The following SEMA4F variants were observed in gnomAD, a reference collection of about 807,000 sequenced individuals.
The protein encoded by SEMA4F is ssemaphorin 4F, also known as semaphorin-4F.
Under a neutral mutation model 78.4 loss-of-function variants are expected in SEMA4F, and 51 were observed. That is an observed-to-expected ratio of 0.65 (90% confidence interval 0.52 to 0.82). SEMA4F has a LOEUF of 0.82. Ranked by LOEUF, SEMA4F falls within the 40% of genes least tolerant of loss-of-function variation. SEMA4F has a pLI of 0.00. For synonymous variants in SEMA4F, 418 were observed against 408.7 expected (o/e 1.02, Z -0.27); for missense variants, 938 against 1,014.4 (o/e 0.92, Z 1.02).
chr2:74,673,096 AGCAAAT>A (rs1395337320), intron 5 of SEMA4F, among the ~76,000 whole-genome samples: 1 of 152,214 alleles, frequency 6.6e-6, no homozygotes, highest in Non-Finnish European at 1.5e-5. Flanking sequence ...CCTGTTACAA[AGCAAAT>A]GCCCCTTTTG....
intron 1 of SEMA4F, among the ~76,000 whole-genome samples, chr2:74,656,033 G>T (rs1299805085): frequency 6.6e-6 from 1 of 151,346 alleles, no homozygotes; most frequent in Admixed American, 6.6e-5. Flanking sequence ...TTTTGAAGCG[G>T]AGTCTTGCTC....
At chr2:74,691,547 A>G in the SEMA4F span, among the ~76,000 whole-genome samples, 1 of 152,220 alleles carries the variant, frequency 6.6e-6, no homozygotes, top group African/African-American at 2.4e-5. Context: ...GAGGTCTCGT[A>G]CTTTTCCAAA....
At chr2:74,699,600 G>T in the SEMA4F span, among the ~76,000 whole-genome samples, 1 of 152,192 alleles carries the variant, frequency 6.6e-6, no homozygotes, top group Admixed American at 6.5e-5. Context: ...GGTAGTTGAG[G>T]TCACCTATGG....
chr2:74,654,448 G>C lies in SEMA4F; in HGVS notation c.72G>C (p.Leu24=), dbSNP rs1452314532. Residue 24 remains leucine (L), a synonymous_variant, in exon 1 of 14, where the codon CTG becomes CTC. Transcript: ENST00000357877. The stretch of plus-strand genomic sequence containing the variant: ...CAGCCTCGCCCTTCCCGCTACTGCT[G>C]CTGGCGGTGCTGAGCGGCCCGGTAT... The part of the protein sequence containing the change: ...QPTASPFPLL[L]LAVLSGPVSG... 6.4e-7 allele frequency: 1 copy of C among 1,573,484 alleles called. No individual in the cohort carries two copies. Among genetic ancestry groups the C allele is most frequent in the South Asian group, 1.2e-5 (1 of 86,350 alleles).
Position 74,679,689 on chromosome 2 carries a change from G to A in SEMA4F, c.1793G>A (p.Trp598Ter). The change falls in exon 14 of 14, where the codon TGG becomes TAG. Residue 598 changes from tryptophan (W) to a stop codon, truncating the protein, a stop_gained. Coordinates refer to ENST00000357877, the MANE Select transcript of SEMA4F (RefSeq NM_004263.5). LOFTEE classifies it high-confidence loss of function. ...SPSSAWASCV[W>*]HQPSGVTALT... is the part of the protein sequence containing the mutation. ...AGCTCAGCATGGGCATCCTGTGTGT[G>A]GCACCAGCCCAGTGGAGTGACTGCA... The A allele has an allele frequency of 6.2e-7, 1 of 1,614,018 alleles. No homozygotes were observed. Among genetic ancestry groups the A allele is most frequent in the South Asian group, 1.1e-5 (1 of 91,084 alleles).
chr2:74,657,293 C>T (rs980433716), intron 2 of SEMA4F, among the ~76,000 whole-genome samples: 1 of 152,194 alleles, frequency 6.6e-6, no homozygotes, highest in African/African-American at 2.4e-5. Context: ...CAATTATGTA[C>T]TGAAAGAAAC....
the SEMA4F span, among the ~76,000 whole-genome samples, chr2:74,698,930 G>C: frequency 6.6e-6 from 1 of 152,086 alleles, no homozygotes; most frequent in Non-Finnish European, 1.5e-5. Flanking sequence ...GCTCCATTTT[G>C]CTTTCTTACA....
intron 1 of SEMA4F, 78 bp downstream of exon 1, chr2:74,654,599 G>C: frequency 1.6e-6 from 2 of 1,285,476 alleles, no homozygotes; most frequent in South Asian, 1.6e-5. Context: ...CAGACCGCTC[G>C]GCCGGACCCG....
At chr2:74,699,464 C>T in the SEMA4F span, among the ~76,000 whole-genome samples, 2 of 152,194 alleles carry the variant, frequency 1.3e-5, no homozygotes, top group African/African-American at 4.8e-5. Flanking sequence ...GTTTGCAATG[C>T]CTCAGGGGGA....
the SEMA4F span, among the ~76,000 whole-genome samples, chr2:74,707,933 CAT>C: frequency 6.6e-6 from 1 of 152,112 alleles, no homozygotes; most frequent in Non-Finnish European, 1.5e-5. Flanking sequence ...CCAATCAGCA[CAT>C]GTGTGTGAGG....
chr2:74,657,259 G>T (rs183625428), intron 2 of SEMA4F, among the ~76,000 whole-genome samples: 16 of 152,338 alleles, frequency 1.1e-4, no homozygotes, highest in Admixed American at 9.8e-4. Flanking sequence ...GGGATGCTCA[G>T]TGTATACTGT....
At chr2:74,670,586 T>C (rs759652646) in intron 5 of SEMA4F, among the ~76,000 whole-genome samples, 1 of 152,268 alleles carries the variant, frequency 6.6e-6, no homozygotes, top group Admixed American at 6.5e-5. Context: ...AGAATATTTA[T>C]GATTGTTTTT....
the SEMA4F span, among the ~76,000 whole-genome samples, chr2:74,700,222 A>G: frequency 9.2e-5 from 14 of 152,282 alleles, no homozygotes; most frequent in East Asian, 2.7e-3. Context: ...CAGAGCAGAC[A>G]TCTCTGAAAG....
chr2:74,705,415 G>A, the SEMA4F span, among the ~76,000 whole-genome samples: 1 of 152,216 alleles, frequency 6.6e-6, no homozygotes, highest in South Asian at 2.1e-4. Flanking sequence ...AATTGGTTGA[G>A]TAAGTAGAGA....
chr2:74,684,969 C>T (rs1236374806), downstream of SEMA4F, among the ~76,000 whole-genome samples: 1 of 152,214 alleles, frequency 6.6e-6, no homozygotes, highest in Non-Finnish European at 1.5e-5. Context: ...GAGACCTTGT[C>T]TCAAACAAAA....
At chr2:74,661,249 A>C (rs962621718) in intron 4 of SEMA4F, among the ~76,000 whole-genome samples, 1 of 152,224 alleles carries the variant, frequency 6.6e-6, no homozygotes, top group Non-Finnish European at 1.5e-5. Flanking sequence ...TCTGGTTTGG[A>C]TAGAACAAAG....
At chr2:74,679,183 G>A (rs2105017828) in intron 12 of SEMA4F, 93 bp from the exon 13 acceptor site, 1 of 977,236 alleles carries the variant, frequency 1.0e-6, no homozygotes, top group Non-Finnish European at 1.7e-6. Flanking sequence ...TGGGATGATG[G>A]GAGATATATT....
At chr2:74,678,841 G>T (rs1023560949) in intron 12 of SEMA4F, among the ~76,000 whole-genome samples, 2 of 152,106 alleles carry the variant, frequency 1.3e-5, no homozygotes, top group African/African-American at 4.8e-5. Context: ...TGACCCTAAA[G>T]GAATTTTGAT....
chr2:74,679,729 G>T lies in SEMA4F; in HGVS notation c.1833G>T (p.Arg611=). 1.2e-6 allele frequency: 2 copies of T among 1,614,174 alleles called. No individual in the cohort carries two copies. Among genetic ancestry groups the T allele is most frequent in the Non-Finnish European group, 1.7e-6 (2 of 1,180,048 alleles). The change falls in exon 14 of 14, where the codon CGG becomes CGT. Residue 611 remains arginine, a synonymous_variant. Transcript: ENST00000357877. ...PSGVTALTPR[R]DGLEVVVTPG... is the part of the protein sequence containing the mutation. ...GAGTGACTGCACTCACCCCCCGGCG[G>T]GATGGACTGGAGGTGGTGGTGACCC...
Sources: gnomAD v4.1 joint callset for allele counts (sites outside exome capture counted in the v4.1 genomes callset) on GRCh38, gnomAD v4.1.1 for gene constraint, MANE v1.5 for transcripts, NCBI Gene and HGNC (gene_info 2026-07-23, HGNC 2026-07-21) for gene names.